Variants in ZNF227 observed in about 807,000 individuals in gnomAD.
ZNF227 encodes the protein zinc finger protein 227.
Under a neutral mutation model 13.2 loss-of-function variants are expected in ZNF227, and 12 were observed. The ratio of observed to expected loss-of-function variants is 0.91; its 90% CI spans 0.58 to 1.47. The LOEUF (loss-of-function observed/expected upper bound fraction) is 1.47. Ranked by LOEUF, ZNF227 falls within the 40% of genes most tolerant of loss-of-function variation. The pLI, the probability that ZNF227 is intolerant of heterozygous loss-of-function variation, is 0.00. For missense variants in ZNF227, 885 were observed against 967.5 expected, an observed-to-expected ratio of 0.91 and a Z score of 1.13; for synonymous variants, 338 against 326.0, an observed-to-expected ratio of 1.04 and a Z score of -0.40.
At chr19:44,223,526 T>C (rs1458155780) in intron 3 of ZNF227, among the ~76,000 whole-genome samples, 1 of 152,240 alleles carries the variant, frequency 6.6e-6, no homozygotes, top group Non-Finnish European at 1.5e-5. Flanking sequence ...TATCCATTTC[T>C]TCTAGATTTT....
chr19:44,214,911 G>T (rs1971706425), intron 2 of ZNF227, among the ~76,000 whole-genome samples: 1 of 151,874 alleles, frequency 6.6e-6, no homozygotes, highest in African/African-American at 2.4e-5. Flanking sequence ...GATTGGAGGG[G>T]TACCGCCTGA....
chr19:44,229,691 T>G, intron 4 of ZNF227, 42 bp from the exon 5 acceptor site: 4 of 1,415,568 alleles, frequency 2.8e-6, no homozygotes, highest in Non-Finnish European at 3.9e-6. Context: ...GTGTTTTAGT[T>G]GTGTGTTCAT....
intron 2 of ZNF227, among the ~76,000 whole-genome samples, chr19:44,215,494 ACTAT>A (rs988533030): frequency 6.8e-6 from 1 of 146,070 alleles, no homozygotes; most frequent in African/African-American, 2.5e-5. Context: ...ATTTGCTTTT[ACTAT>A]CTGTGTGTAT....
chr19:44,231,065 C>T (rs920454937), intron 5 of ZNF227, among the ~76,000 whole-genome samples: 3 of 150,394 alleles, frequency 2.0e-5, no homozygotes, highest in Non-Finnish European at 3.0e-5. Flanking sequence ...CCTTGTCTCC[C>T]ACACACACAA....
At position 44,235,312 on chromosome 19, in the gene ZNF227, GAAACTC is replaced by G; in HGVS notation, c.885_890del (p.Lys295_Leu296del). Reference sequence around the variant, plus strand: ...CTCATCAGAGAATTCACCCAGGAGAGAAACTCAATAGATGTCATGAATCTGGTGATT... The same window carrying G: ...CTCATCAGAGAATTCACCCAGGAGAGAATAGATGTCATGAATCTGGTGATT... On this transcript the variant is annotated inframe_deletion, in exon 6 of 6. Coordinates refer to ENST00000313040, the MANE Select transcript of ZNF227 (RefSeq NM_182490.3). 1 of 1,614,164 alleles carries G rather than the reference GAAACTC, an allele frequency of 6.2e-7. No homozygotes were observed. Among genetic ancestry groups the G allele is most frequent in the African/African-American group, 1.3e-5 (1 of 75,040 alleles).
At chr19:44,207,697 G>A (rs1480706651), upstream of ZNF227, 1 of 152,474 alleles carries the variant, frequency 6.6e-6, no homozygotes, top group Non-Finnish European at 1.5e-5. Flanking sequence ...CAGCTGGGAG[G>A]CTGGAGTTGG....
chr19:44,218,654 C>CA (rs1247135543), intron 3 of ZNF227, among the ~76,000 whole-genome samples: 1 of 152,178 alleles, frequency 6.6e-6, no homozygotes, highest in African/African-American at 2.4e-5. Context: ...TTCCATCTGT[C>CA]ATTGCATTTT....
rs769811569 is a variant in ZNF227 at position 44,235,935 on chromosome 19, G to A, written c.1505G>A (p.Ser502Asn). The change falls in exon 6 of 6, where the codon AGT becomes AAT. Residue 502 changes from serine (S) to asparagine (N), a missense_variant. Physicochemically the swap from Ser to Asn is conservative, Grantham distance 46. Coordinates refer to ENST00000313040, the MANE Select transcript of ZNF227 (RefSeq NM_182490.3). ...TGTAAGGAGTGTGGTAAGGGCTTCA[G>A]TCAGGCTTCAAATCTTCAAGTCCAT... Reference protein sequence around the residue: ...YKCKECGKGFSQASNLQVHQN... With the variant: ...YKCKECGKGFNQASNLQVHQN... The A allele has an allele frequency of 2.5e-6, 4 of 1,614,130 alleles. No individual in the cohort carries two copies. Among genetic ancestry groups the A allele is most frequent in the Non-Finnish European group, 3.4e-6 (4 of 1,180,026 alleles).
At chr19:44,229,066 T>G (rs2122865181) in intron 4 of ZNF227, 1 of 158,884 alleles carries the variant, frequency 6.3e-6, no homozygotes, top group South Asian at 2.0e-4. Flanking sequence ...CTTAGTGCAC[T>G]GTACTGGCTT....
Position 44,229,804 on chromosome 19 carries a change from G to A in ZNF227, c.259G>A (p.Glu87Lys). 1 of 1,569,086 alleles carries A rather than the reference G, an allele frequency of 6.4e-7. No homozygotes were observed. The highest frequency in any genetic ancestry group is 8.7e-7 in the Non-Finnish European group (1 of 1,150,706). Residue 87 changes from glutamate to lysine, a missense_variant, in exon 5 of 6, where the codon GAA (glutamate) becomes AAA (lysine). Physicochemically the swap from Glu to Lys is moderately conservative, Grantham distance 56 (BLOSUM62 1). Coordinates refer to ENST00000313040, the MANE Select transcript of ZNF227 (RefSeq NM_182490.3). ...AGAAAAGCTTTGGATGATGGAAACA[G>A]AAACCCAAAGAAGTAGGTATTCTGG... ...AEEKLWMMET[E>K]TQRSSKHQNK...
chr19:44,237,207 A>C lies in ZNF227; in HGVS notation c.*377A>C, dbSNP rs79432577. On this transcript the variant is annotated 3_prime_UTR_variant, in exon 6 of 6. Transcript: ENST00000313040. The stretch of plus-strand genomic sequence containing the variant: ...TTTTCATTTTATACTTACAGTGATC[A>C]TTATTTTCATAAAAGCTGTAAAGCT... 0.044 allele frequency: 7,395 copies of C among 168,444 alleles called. 211 individuals carry two copies. Among genetic ancestry groups the C allele is most frequent in the Non-Finnish European group, 0.067 (5,258 of 78,770 alleles). The allele number at this position is 168,444 out of a possible 1,614,324, so 10.4% of individuals were successfully genotyped here.
At chr19:44,214,885 C>T (rs575234348) in intron 2 of ZNF227, among the ~76,000 whole-genome samples, 1 of 151,724 alleles carries the variant, frequency 6.6e-6, no homozygotes, top group African/African-American at 2.4e-5. Flanking sequence ...AGGAACCTGA[C>T]AGCACAGAAG....
Position 44,236,387 on chromosome 19 carries a change from G to C in ZNF227, c.1957G>C (p.Val653Leu), listed in dbSNP as rs1165173943. The C allele has an allele frequency of 8.1e-6, 13 of 1,614,142 alleles. No individual in the cohort carries two copies. Among genetic ancestry groups the C allele is most frequent in the Non-Finnish European group, 1.1e-5 (13 of 1,180,034 alleles). Residue 653 changes from valine (V) to leucine (L), a missense_variant, in exon 6 of 6, where the codon GTC becomes CTC. Coordinates refer to ENST00000313040, the MANE Select transcript of ZNF227 (RefSeq NM_182490.3). ...QSSGLQSHQRVHTGEKPYKCD... is the reference protein window; with the variant it reads ...QSSGLQSHQRLHTGEKPYKCD... ...CTCTGGTCTTCAATCCCATCAGAGA[G>C]TCCACACGGGGGAAAAGCCATACAA...
rs1234323836 is a variant in ZNF227, at chr19:44,236,613, C to A, written c.2183C>A (p.Pro728His). The A allele has an allele frequency of 1.2e-6, 2 of 1,613,910 alleles. No individual in the cohort carries two copies. The highest frequency in any genetic ancestry group is 2.7e-5 in the African/African-American group (2 of 74,932). Residue 728 changes from proline (P) to histidine (H), a missense_variant, in exon 6 of 6, where the codon CCC becomes CAC. Transcript: ENST00000313040. ...CEECGKAFSL[P>H]SNLRVHLGVH... is the part of the protein sequence containing the mutation. Reference sequence around the variant, plus strand: ...GAGTGTGGTAAGGCCTTCAGTCTCCCCTCAAATCTTCGAGTCCACCTGGGT... The same window carrying A: ...GAGTGTGGTAAGGCCTTCAGTCTCCACTCAAATCTTCGAGTCCACCTGGGT...
intron 2 of ZNF227, among the ~76,000 whole-genome samples, chr19:44,214,120 A>G (rs578171132): frequency 1.3e-5 from 2 of 152,318 alleles, no homozygotes; most frequent in African/African-American, 4.8e-5. Flanking sequence ...ATGTTGTTGA[A>G]ATTAACTTCA....
chr19:44,212,380 T>TG (rs1379345553), upstream of ZNF227: 1 of 141,162 alleles, frequency 7.1e-6, no homozygotes, highest in African/African-American at 2.9e-5. Context: ...TTTTTTTTGT[T>TG]TTTTTTTTTT....
At chr19:44,231,276 A>G (rs1207695182) in intron 5 of ZNF227, among the ~76,000 whole-genome samples, 3 of 151,538 alleles carry the variant, frequency 2.0e-5, no homozygotes, top group African/African-American at 2.4e-5. Flanking sequence ...CACCATGCCC[A>G]ACTAATTTTT....
chr19:44,211,899 CTTTTT>C (rs528951551), upstream of ZNF227, among the ~76,000 whole-genome samples: 1 of 65,448 alleles, frequency 1.5e-5, no homozygotes, highest in South Asian at 5.9e-4. Context: ...TTTTTTTTTT[CTTTTT>C]TTTTTTTTTG....
At chr19:44,208,380 A>G (rs1971259345), upstream of ZNF227, among the ~76,000 whole-genome samples, 1 of 152,204 alleles carries the variant, frequency 6.6e-6, no homozygotes, top group South Asian at 2.1e-4. Flanking sequence ...TAGCCGATTT[A>G]CAGTTTAAAG....
Sources: gnomAD v4.1 joint callset for allele counts (sites outside exome capture counted in the v4.1 genomes callset) on GRCh38, gnomAD v4.1.1 for gene constraint, MANE v1.5 for transcripts, NCBI Gene and HGNC (gene_info 2026-07-23, HGNC 2026-07-21) for gene names.